RRP12: variants seen among roughly 807,000 people sequenced by gnomAD.
RRP12 encodes the protein ribosomal RNA processing 12 homolog.
A neutral mutation model predicts 157.3 loss-of-function variants in RRP12; 78 were observed. That is an observed-to-expected ratio of 0.50 (90% CI 0.41 to 0.60). RRP12 has a LOEUF of 0.60. Ranked by LOEUF, RRP12 falls within the 20% of genes least tolerant of loss-of-function variation. RRP12 has a pLI of 0.00. For synonymous variants in RRP12, 726 were observed against 670.9 expected (o/e 1.08, Z -1.27); for missense variants, 1,521 against 1,679.9 (o/e 0.91, Z 1.65).
At position 97,373,676 on chromosome 10, in the gene RRP12, C is replaced by T; in HGVS notation, c.1925G>A (p.Gly642Glu). 1.9e-6 allele frequency: 3 copies of T among 1,613,944 alleles called. No individual in the cohort carries two copies. Among genetic ancestry groups the T allele is most frequent in the Non-Finnish European group, 2.5e-6 (3 of 1,179,912 alleles). ...RPTDVAISFK[G>E]LARTLGMAIS... is the part of the protein sequence containing the mutation. ...GGCCATGCCCAGCGTCCGTGCCAGC[C>T]CTTTGAAGGAGATGGCCACATCTGT... The change falls in exon 17 of 34, where the codon GGG becomes GAG. Residue 642 changes from glycine (G) to glutamate (E), a missense_variant. Physicochemically the swap from Gly to Glu is moderately conservative, Grantham distance 98. Transcript: ENST00000370992.
In RRP12 at chr10:97,380,785, C is replaced by T. The variant is rs756209414; in HGVS notation, c.1533+14G>A. The T allele has an allele frequency of 9.4e-6, 15 of 1,595,872 alleles. No homozygotes were observed. Among genetic ancestry groups the T allele is most frequent in the African/African-American group, 2.7e-5 (2 of 74,538 alleles). ...CACCACTTCCTGCCCTGGCCCCAGC[C>T]GCTCCCCACTCACCTTCCTCATCAC... is the stretch of plus-strand genomic sequence containing the variant. On this transcript the variant is annotated intron_variant, in intron 13 of 33. Coordinates refer to ENST00000370992, the MANE Select transcript of RRP12 (RefSeq NM_015179.4).
At chr10:97,361,097 T>C (rs1184922660) in intron 30 of RRP12, among the ~76,000 whole-genome samples, 1 of 152,174 alleles carries the variant, frequency 6.6e-6, no homozygotes, top group African/African-American at 2.4e-5. Flanking sequence ...GGGCACAAGA[T>C]CTAGTTCCTG....
At chr10:97,398,755 T>C (rs1845055565) in intron 2 of RRP12, among the ~76,000 whole-genome samples, 1 of 152,164 alleles carries the variant, frequency 6.6e-6, no homozygotes, top group African/African-American at 2.4e-5. Flanking sequence ...TAGTAATTCA[T>C]AGTAGGCAAA....
intron 15 of RRP12, among the ~76,000 whole-genome samples, chr10:97,376,212 CTTT>C (rs771016888): frequency 1.9e-5 from 2 of 107,534 alleles, no homozygotes; most frequent in Middle Eastern, 6.3e-3. Context: ...CTTTTACTTT[CTTT>C]TTTTTTTTTT....
chr10:97,395,551 C>CAA (rs879295022), intron 3 of RRP12, among the ~76,000 whole-genome samples: 2 of 118,138 alleles, frequency 1.7e-5, no homozygotes, highest in Admixed American at 9.0e-5. Context: ...GACTCTGTTT[C>CAA]AAAAAAAAAA....
At position 97,373,141 on chromosome 10, in the gene RRP12, G is replaced by T; in HGVS notation, c.2086C>A (p.Leu696Met). Residue 696 changes from leucine to methionine, a missense_variant, in exon 18 of 34, where the codon CTG becomes ATG. Leu to Met is a conservative substitution (Grantham distance 15). Coordinates refer to ENST00000370992, the MANE Select transcript of RRP12 (RefSeq NM_015179.4). ...CCGGCTGCCACGGGCTGCCCATACA[G>T]GTTGAAGAGGATCGGCAGAAAGTTC... ...AKNFLPILFN[L>M]YGQPVAAGDT... The T allele has an allele frequency of 6.2e-7, 1 of 1,614,222 alleles. No individual in the cohort carries two copies. The highest frequency in any genetic ancestry group is 8.5e-7 in the Non-Finnish European group (1 of 1,180,048).
intron 8 of RRP12, among the ~76,000 whole-genome samples, chr10:97,386,621 T>C (rs1245424326): frequency 1.3e-5 from 2 of 152,190 alleles, no homozygotes; most frequent in African/African-American, 2.4e-5. Flanking sequence ...TTCTGAATTG[T>C]TTTTCCCTTT....
At chr10:97,372,924 G>A in intron 18 of RRP12, 121 bp from the exon 19 acceptor site, 1 of 1,429,178 alleles carries the variant, frequency 7.0e-7, no homozygotes, top group Non-Finnish European at 9.6e-7. Context: ...AGCCATGACT[G>A]CTGGTATGTG....
Position 97,380,794 on chromosome 10 carries a change from C to T in RRP12, c.1533+5G>A. On this transcript the variant is annotated splice_donor_5th_base_variant and intron_variant, in intron 13 of 33. Coordinates refer to ENST00000370992, the MANE Select transcript of RRP12 (RefSeq NM_015179.4). ...CTGCCCTGGCCCCAGCCGCTCCCCACTCACCTTCCTCATCACAGGGTGGGC... is the reference window on the plus strand; with the variant it reads ...CTGCCCTGGCCCCAGCCGCTCCCCATTCACCTTCCTCATCACAGGGTGGGC... 1 of 1,609,760 alleles carries T rather than the reference C, an allele frequency of 6.2e-7. No individual in the cohort carries two copies. The highest frequency in any genetic ancestry group is 8.5e-7 in the Non-Finnish European group (1 of 1,175,960).
At position 97,358,706 on chromosome 10, in the gene RRP12, C is replaced by T. The variant is rs1305081822; in HGVS notation, c.3709-87G>A. The T allele has an allele frequency of 2.9e-6, 3 of 1,038,968 alleles. No individual in the cohort carries two copies. The Admixed American group carries it at 5.1e-5, about 18-fold the overall frequency. 64.4% of individuals were successfully genotyped at this position (1,038,968 alleles called of 1,614,324 possible). A position where few individuals can be genotyped will look rare whatever the true frequency, so the allele number is the denominator to read the frequency against. On this transcript the variant is annotated intron_variant, in intron 32 of 33. Coordinates refer to ENST00000370992, the MANE Select transcript of RRP12 (RefSeq NM_015179.4). ...AGACTTGACAGGCCCCATAACCTCC[C>T]TTCATCCTCTGCCTTAGGTGGTGCC...
chr10:97,373,424 A>C lies in RRP12; in HGVS notation c.2026+151T>G, dbSNP rs1361677227. On this transcript the variant is annotated intron_variant, in intron 17 of 33. Transcript: ENST00000370992. ...CCAACCCCAGGGAGCCAGCAAAGTTATCCCCTGGGGTCTGCAGCAGAAGCA... is the reference window on the plus strand; with the variant it reads ...CCAACCCCAGGGAGCCAGCAAAGTTCTCCCCTGGGGTCTGCAGCAGAAGCA... 4.9e-6 allele frequency: 5 copies of C among 1,024,644 alleles called. No individual in the cohort carries two copies. In the African/African-American group the frequency reaches 8.1e-5, roughly 17 times the overall value. The allele number at this position is 1,024,644 out of a possible 1,614,324, so 63.5% of individuals were successfully genotyped here. A position where few individuals can be genotyped will look rare whatever the true frequency, so the allele number is the denominator to read the frequency against.
intron 10 of RRP12, among the ~76,000 whole-genome samples, chr10:97,383,098 T>C (rs988529830): frequency 1.3e-5 from 2 of 152,148 alleles, no homozygotes; most frequent in African/African-American, 4.8e-5. Context: ...CAGTACTTCA[T>C]TGTTTATATT....
In RRP12 at chr10:97,367,122, A is replaced by G. The variant is rs1329098428; in HGVS notation, c.2966T>C (p.Ile989Thr). The change falls in exon 26 of 34, where the codon ATT becomes ACT. Residue 989 changes from isoleucine to threonine, a missense_variant. By Grantham distance (89) the Ile-to-Thr change is moderately conservative (BLOSUM62 -1). Coordinates refer to ENST00000370992, the MANE Select transcript of RRP12 (RefSeq NM_015179.4). ...AKHVQLVMEA[I>T]GKLSDDMRRH... ...CCGCATGTCATCTGAAAGCTTCCCA[A>G]TGGCTTCCATCTGCCGGACAGAGCA... is the stretch of plus-strand genomic sequence containing the variant. 5 of 1,613,998 alleles carry G rather than the reference A, an allele frequency of 3.1e-6. No homozygotes were observed. The highest frequency in any genetic ancestry group is 1.3e-5 in the African/African-American group (1 of 75,040).
rs746338760 is a variant in RRP12, at chr10:97,366,532, C to T, written c.3305G>A (p.Arg1102Gln). The T allele has an allele frequency of 1.2e-5, 19 of 1,614,040 alleles. No homozygotes were observed. In the South Asian group the frequency reaches 1.5e-4, roughly 13 times the overall value. The part of the protein sequence containing the change: ...SRGKEQRKLA[R>Q]QRSRAWLKEG... Reference sequence around the variant, plus strand: ...TTTCAGCCATGCCCGGCTCCTCTGTCGTGCCAGCTTCCGCTGCTCCTTGCC... The same window carrying T: ...TTTCAGCCATGCCCGGCTCCTCTGTTGTGCCAGCTTCCGCTGCTCCTTGCC... The change falls in exon 28 of 34, where the codon CGA (arginine) becomes CAA (glutamine). Residue 1102 changes from arginine (R) to glutamine (Q), a missense_variant. Physicochemically the swap from Arg to Gln is conservative, Grantham distance 43. Transcript: ENST00000370992.
intron 6 of RRP12, 50 bp downstream of exon 6, chr10:97,390,373 G>A (rs1252207221): frequency 1.6e-5 from 22 of 1,403,802 alleles, no homozygotes; most frequent in Non-Finnish European, 2.2e-5. Context: ...GCACTGGGCT[G>A]AGTGGTGGCT....
At chr10:97,386,620 GT>G (rs1294372376) in intron 8 of RRP12, among the ~76,000 whole-genome samples, 1 of 152,056 alleles carries the variant, frequency 6.6e-6, no homozygotes, top group African/African-American at 2.4e-5. Context: ...CTTCTGAATT[GT>G]TTTTCCCTTT....
intron 2 of RRP12, among the ~76,000 whole-genome samples, chr10:97,397,251 C>T (rs1368371327): frequency 6.6e-6 from 1 of 150,806 alleles, no homozygotes; most frequent in Non-Finnish European, 1.5e-5. Context: ...GCTTCCACCT[C>T]CCGGGTTCAA....
intron 17 of RRP12, 135 bp from the exon 18 acceptor site, chr10:97,373,335 T>C: frequency 9.5e-7 from 1 of 1,052,978 alleles, no homozygotes; most frequent in Non-Finnish European, 1.3e-6. Flanking sequence ...GGGCTCTCTG[T>C]GGCAGAAGCT....
intron 24 of RRP12, 143 bp from the exon 25 acceptor site, chr10:97,369,725 G>A (rs1002933359): frequency 3.3e-5 from 28 of 849,450 alleles, no homozygotes; most frequent in South Asian, 5.3e-5. Flanking sequence ...TTCCAATCAC[G>A]CTCCATGGAG....
Sources: allele counts gnomAD v4.1 joint callset (sites outside exome capture counted in the v4.1 genomes callset), GRCh38; gene constraint gnomAD v4.1.1; transcripts MANE v1.5; gene names NCBI Gene and HGNC (gene_info 2026-07-23, HGNC 2026-07-21).